Variants in MCCC2 observed in about 807,000 individuals in gnomAD.
MCCC2 encodes the protein methylcrotonyl-CoA carboxylase subunit 2.
Under a neutral mutation model 77.2 loss-of-function variants are expected in MCCC2, and 52 were observed. That is an observed-to-expected ratio of 0.67 (90% confidence interval 0.54 to 0.85). MCCC2 has a LOEUF of 0.85. Ranked by LOEUF, MCCC2 falls within the 40% of genes least tolerant of loss-of-function variation. The probability of loss-of-function intolerance (pLI) is 0.00; values close to 1 mark genes in which losing one functional copy is unlikely to be tolerated. For missense variants in MCCC2, 682 were observed against 703.2 expected (o/e 0.97, Z 0.34); for synonymous variants, 253 against 248.4 (o/e 1.02, Z -0.18).
chr5:71,596,186 AG>A (rs1278032467), intron 2 of MCCC2, 93 bp from the exon 3 acceptor site: 1 of 1,119,882 alleles, frequency 8.9e-7, no homozygotes, highest in African/African-American at 1.5e-5. Context: ...ACTTTTAAAA[AG>A]TGCTATATTT....
intron 12 of MCCC2, among the ~76,000 whole-genome samples, chr5:71,644,227 A>G (rs1384271762): frequency 6.6e-6 from 1 of 152,190 alleles, no homozygotes; most frequent in Admixed American, 6.5e-5. Context: ...ATTGCTATAG[A>G]GGACATGTAC....
In MCCC2 at chr5:71,599,770, C is replaced by G; in HGVS notation, c.383+10C>G. 1.2e-6 allele frequency: 2 copies of G among 1,603,762 alleles called. No individual in the cohort carries two copies. The highest frequency in any genetic ancestry group is 1.7e-6 in the Non-Finnish European group (2 of 1,170,692). On this transcript the variant is annotated intron_variant, in intron 4 of 16. Transcript: ENST00000340941. ...TTGGAAGAGTATCAGGGTGAGTATT[C>G]TACTTGTGCTTCATAATGTGGGTTG... is the stretch of plus-strand genomic sequence containing the variant.
intron 4 of MCCC2, among the ~76,000 whole-genome samples, chr5:71,600,302 A>G (rs754034369): frequency 2.6e-5 from 4 of 152,198 alleles, no homozygotes; most frequent in Non-Finnish European, 4.4e-5. Context: ...ATAAAGTAGT[A>G]CTTAATTATA....
Position 71,650,061 on chromosome 5 carries a change from TC to T in MCCC2, c.1374-3del. 1 of 1,608,632 alleles carries T rather than the reference TC, an allele frequency of 6.2e-7. No individual in the cohort carries two copies. Among genetic ancestry groups the T allele is most frequent in the Non-Finnish European group, 8.5e-7 (1 of 1,175,016 alleles). On this transcript the variant is annotated splice_region_variant and splice_polypyrimidine_tract_variant and intron_variant, in intron 14 of 16. Coordinates refer to ENST00000340941, the MANE Select transcript of MCCC2 (RefSeq NM_022132.5). The stretch of plus-strand genomic sequence containing the variant: ...TTAATTTGTTTATTCTTCCTTTTCT[TC>T]CCCCAGCCCAAGATTTCTCTACATT...
intron 7 of MCCC2, among the ~76,000 whole-genome samples, chr5:71,631,588 C>T (rs1242695041): frequency 1.3e-5 from 2 of 149,774 alleles, no homozygotes; most frequent in African/African-American, 2.5e-5. Context: ...TCGCCCAGGC[C>T]GGACTGCAGT....
chr5:71,649,626 C>T (rs539203845), intron 14 of MCCC2, among the ~76,000 whole-genome samples: 5 of 152,208 alleles, frequency 3.3e-5, no homozygotes, highest in East Asian at 3.9e-4. Context: ...AAGAACAGCA[C>T]GTTAAACCCG....
rs764970690 is a variant in MCCC2, at chr5:71,656,797, C to T, written c.1629C>T (p.Leu543=). 2 of 1,614,140 alleles carry T rather than the reference C, an allele frequency of 1.2e-6. No individual in the cohort carries two copies. The highest frequency in any genetic ancestry group is 1.1e-5 in the South Asian group (1 of 91,078). ...CAGACACCAGACTGGTCTTGGGTCTCAGTTTTAGTGCAGCCCTCAACGCAC... is the reference window on the plus strand; with the variant it reads ...CAGACACCAGACTGGTCTTGGGTCTTAGTTTTAGTGCAGCCCTCAACGCAC... ...DPADTRLVLG[L]SFSAALNAPI... Residue 543 remains leucine (L), a synonymous_variant, in exon 17 of 17, where the codon CTC becomes CTT. Transcript: ENST00000340941.
chr5:71,600,401 A>G (rs984592564), intron 4 of MCCC2, among the ~76,000 whole-genome samples: 2 of 151,588 alleles, frequency 1.3e-5, no homozygotes, highest in African/African-American at 4.9e-5. Flanking sequence ...GGCTCAAACG[A>G]TGTTGAATAT....
chr5:71,650,261 T>A, intron 15 of MCCC2, 78 bp downstream of exon 15: 1 of 1,192,826 alleles, frequency 8.4e-7, no homozygotes, highest in South Asian at 1.2e-5. Context: ...GCAGCGTGCC[T>A]GGAAGCCCTT....
rs7731970 is a variant in MCCC2 at position 71,658,103 on chromosome 5, G to C, written c.*1243G>C. The C allele has an allele frequency of 0.81, 123,170 of 152,194 alleles. 50,949 individuals carry two copies. Among genetic ancestry groups the C allele is most frequent in the East Asian group, 0.98 (5,086 of 5,184 alleles). 9.4% of individuals were successfully genotyped at this position (152,194 alleles called of 1,614,324 possible). ...CATCCTGAAGTGAAAAGTAATGTCA[G>C]ATTACTCCCTTCAGTGATTTCTTGT... On this transcript the variant is annotated 3_prime_UTR_variant, in exon 17 of 17. Coordinates refer to ENST00000340941, the MANE Select transcript of MCCC2 (RefSeq NM_022132.5).
intron 6 of MCCC2, among the ~76,000 whole-genome samples, chr5:71,612,544 A>C (rs1745997416): frequency 6.6e-6 from 1 of 152,110 alleles, no homozygotes; most frequent in Non-Finnish European, 1.5e-5. Context: ...CTTTTAGAGA[A>C]ACAGGATCTT....
rs780754067 is a variant in MCCC2 at position 71,592,909 on chromosome 5, C to G, written c.130-17C>G. Reference sequence around the variant, plus strand: ...TTCTAATATTTCTCTCCCCTGTCTCCTCTATTTCTGTTTTAGGAGAACTAC... The same window carrying G: ...TTCTAATATTTCTCTCCCCTGTCTCGTCTATTTCTGTTTTAGGAGAACTAC... On this transcript the variant is annotated splice_polypyrimidine_tract_variant and intron_variant, in intron 1 of 16. Coordinates refer to ENST00000340941, the MANE Select transcript of MCCC2 (RefSeq NM_022132.5). 1 of 1,584,522 alleles carries G rather than the reference C, an allele frequency of 6.3e-7. No homozygotes were observed. Among genetic ancestry groups the G allele is most frequent in the South Asian group, 1.1e-5 (1 of 90,412 alleles).
intron 6 of MCCC2, among the ~76,000 whole-genome samples, chr5:71,624,145 C>A (rs1207964900): frequency 6.6e-6 from 1 of 152,208 alleles, no homozygotes; most frequent in Non-Finnish European, 1.5e-5. Context: ...TCTCCTGTCT[C>A]TTCCTTATAA....
intron 11 of MCCC2, chr5:71,641,301 G>C (rs277937): frequency 1.1e-5 from 6 of 533,586 alleles, no homozygotes; most frequent in Non-Finnish European, 2.0e-5. Context: ...TGTGGTGTGG[G>C]TCCCTATCTG....
At chr5:71,622,435 G>C (rs277988) in intron 6 of MCCC2, among the ~76,000 whole-genome samples, 46,849 of 151,908 alleles carry the variant, frequency 0.31, 8,192 homozygotes, top group East Asian at 0.52. Flanking sequence ...TTTTTTTACA[G>C]CTTCGTTGAG....
intron 1 of MCCC2, among the ~76,000 whole-genome samples, chr5:71,590,109 A>AAC (rs145490017): frequency 0.022 from 3,321 of 151,192 alleles, 112 homozygotes; most frequent in African/African-American, 0.073. Context: ...AGGTGATTAA[A>AAC]ACACACACAC....
intron 6 of MCCC2, among the ~76,000 whole-genome samples, chr5:71,617,008 A>G (rs898336858): frequency 2.6e-5 from 4 of 151,322 alleles, no homozygotes; most frequent in Admixed American, 1.3e-4. Flanking sequence ...CTGCAAGGTT[A>G]TTCTTTATGT....
chr5:71,620,644 A>T (rs1329300230), intron 6 of MCCC2, among the ~76,000 whole-genome samples: 1 of 152,150 alleles, frequency 6.6e-6, no homozygotes, highest in Non-Finnish European at 1.5e-5. Flanking sequence ...CCCAGTCTCT[A>T]TTTGTTTAGG....
intron 7 of MCCC2, 137 bp downstream of exon 7, chr5:71,626,890 T>C: frequency 1.2e-6 from 1 of 822,158 alleles, no homozygotes; most frequent in Non-Finnish European, 2.0e-6. Context: ...GTAACCGTTT[T>C]TCAGTACAGC....
Sources: gnomAD v4.1 joint callset for allele counts (sites outside exome capture counted in the v4.1 genomes callset) on GRCh38, gnomAD v4.1.1 for gene constraint, MANE v1.5 for transcripts, NCBI Gene and HGNC (gene_info 2026-07-23, HGNC 2026-07-21) for gene names.